ENPP2: variants seen among roughly 807,000 people sequenced by gnomAD.
ENPP2 encodes the protein ectonucleotide pyrophosphatase/phosphodiesterase 2.
In ENPP2, 51 loss-of-function variants were observed where a neutral mutation model predicts 120.2. The ratio of observed to expected loss-of-function variants is 0.42; its 90% CI spans 0.34 to 0.54. The LOEUF (loss-of-function observed/expected upper bound fraction) is 0.54. Among genes scored for constraint, ENPP2 ranks in the 20% least tolerant of loss-of-function variants. The probability of loss-of-function intolerance (pLI) is 0.04; values close to 1 mark genes in which losing one functional copy is unlikely to be tolerated. For missense variants in ENPP2, 920 were observed against 1,066.5 expected (o/e 0.86, Z 1.91); for synonymous variants, 365 against 366.4 (o/e 1.00, Z 0.04).
chr8:119,599,778 G>T (rs1814155099), intron 11 of ENPP2, among the ~76,000 whole-genome samples: 1 of 152,174 alleles, frequency 6.6e-6, no homozygotes, highest in Non-Finnish European at 1.5e-5. Flanking sequence ...GGCCAAGGCT[G>T]GTGGATCACC....
Position 119,601,397 on chromosome 8 carries a change from C to T in ENPP2, c.899G>A (p.Arg300Lys), listed in dbSNP as rs770160906. ...LQWLTLPDHE[R>K]PSVYAFYSEQ... ...AAAGAAGAAAGAGAGAAATAAATAC[C>T]TCTCATGATCTGGCAGGGTGAGCCA... The change falls in exon 10 of 25, where the codon AGG becomes AAG. Residue 300 changes from arginine to lysine, a missense_variant and splice_region_variant. By Grantham distance (26) the Arg-to-Lys change is conservative. Transcript: ENST00000075322. 6.3e-7 allele frequency: 1 copy of T among 1,585,606 alleles called. No individual in the cohort carries two copies. Among genetic ancestry groups the T allele is most frequent in the South Asian group, 1.1e-5 (1 of 90,444 alleles).
chr8:119,572,312 A>T (rs1815067942), intron 19 of ENPP2: 1 of 1,242,580 alleles, frequency 8.0e-7, no homozygotes, highest in African/African-American at 1.5e-5. Context: ...TTAAGTTTTC[A>T]TGGTTACCAC....
chr8:119,646,325 A>T (rs1488848885), intron 1 of ENPP2, among the ~76,000 whole-genome samples: 1 of 152,182 alleles, frequency 6.6e-6, no homozygotes, highest in Non-Finnish European at 1.5e-5. Context: ...CAGTTCTCAA[A>T]GTATGGTCCC....
At chr8:119,592,473 C>CAAAAAAA (rs61330053) in intron 12 of ENPP2, among the ~76,000 whole-genome samples, 16 of 54,906 alleles carry the variant, frequency 2.9e-4, no homozygotes, top group African/African-American at 7.3e-4. Flanking sequence ...AACTCCACCT[C>CAAAAAAA]AAAAAAAAAA....
intron 13 of ENPP2, among the ~76,000 whole-genome samples, 179 bp downstream of exon 13, chr8:119,590,326 C>A (rs909062801): frequency 6.6e-6 from 1 of 152,280 alleles, no homozygotes; most frequent in East Asian, 1.9e-4. Flanking sequence ...CATTTATCAT[C>A]CCCATTTTTC....
chr8:119,656,280 A>G (rs971141059), intron 1 of ENPP2, among the ~76,000 whole-genome samples: 1 of 152,180 alleles, frequency 6.6e-6, no homozygotes, highest in Admixed American at 6.5e-5. Context: ...ATGTGACCTT[A>G]CTATTGACAA....
chr8:119,594,734 T>C (rs989127747), intron 11 of ENPP2, among the ~76,000 whole-genome samples: 4 of 152,300 alleles, frequency 2.6e-5, no homozygotes, highest in Middle Eastern at 3.4e-3. Context: ...AGACAAAGAA[T>C]AGAAAGATAC....
intron 1 of ENPP2, among the ~76,000 whole-genome samples, chr8:119,648,677 T>A (rs1035010885): frequency 6.6e-6 from 1 of 152,214 alleles, no homozygotes; most frequent in African/African-American, 2.4e-5. Context: ...CCCCTTGCAA[T>A]CATACAACAG....
At chr8:119,581,837 G>A (rs1303580418) in intron 18 of ENPP2, among the ~76,000 whole-genome samples, 1 of 147,320 alleles carries the variant, frequency 6.8e-6, no homozygotes, top group Non-Finnish European at 1.5e-5. Context: ...CCGGCTCACT[G>A]CAACCTCTGC....
In ENPP2 at chr8:119,648,193, CA is replaced by C. The variant is rs1455007456; in HGVS notation, c.22-9667del. ...TTAAGCAAGTACCTCAGTGCTAAAACACACAAAATAAACAAATATTCCCCAT... is the reference window on the plus strand; with the variant it reads ...TTAAGCAAGTACCTCAGTGCTAAAACCACAAAATAAACAAATATTCCCCAT... On this transcript the variant is annotated intron_variant, in intron 1 of 25. Transcript: ENST00000427067. Among the ~76,000 whole-genome samples the C allele has an allele frequency of 1.7e-4, 26 of 152,280 alleles. No individual in the cohort carries two copies. The East Asian group carries it at 5.0e-3, about 29-fold the overall frequency.
intron 19 of ENPP2, among the ~76,000 whole-genome samples, chr8:119,576,173 T>A (rs1179926700): frequency 1.3e-5 from 2 of 152,234 alleles, no homozygotes; most frequent in African/African-American, 2.4e-5. Flanking sequence ...AGTTTCACTC[T>A]TGTTGCCCAG....
At chr8:119,642,007 C>T (rs1249730794), upstream of ENPP2, among the ~76,000 whole-genome samples, 1 of 152,104 alleles carries the variant, frequency 6.6e-6, no homozygotes, top group Non-Finnish European at 1.5e-5. Context: ...ATTTAAGGTC[C>T]TCCTGATTTC....
chr8:119,557,443 G>T lies in ENPP2; in HGVS notation c.*78C>A. ...AAATACTAACATTTTTAATGTCCTG[G>T]TTTCAAATTAATAAATACAAAAACA... On this transcript the variant is annotated 3_prime_UTR_variant, in exon 25 of 25. Coordinates refer to ENST00000075322, the MANE Select transcript of ENPP2 (RefSeq NM_001040092.3). The T allele has an allele frequency of 8.3e-7, 1 of 1,201,618 alleles. No individual in the cohort carries two copies. The highest frequency in any genetic ancestry group is 1.2e-6 in the Non-Finnish European group (1 of 848,750). 74.4% of individuals were successfully genotyped at this position (1,201,618 alleles called of 1,614,324 possible).
At chr8:119,645,675 C>T (rs1273733466) in intron 1 of ENPP2, among the ~76,000 whole-genome samples, 4 of 151,854 alleles carry the variant, frequency 2.6e-5, no homozygotes, top group African/African-American at 4.8e-5. Flanking sequence ...ATTAGGCGGG[C>T]GTGGTGGCAC....
chr8:119,672,915 G>GTGCCCTGCGGCTGGTATC (rs1382221991), intron 1 of ENPP2, among the ~76,000 whole-genome samples: 1 of 152,232 alleles, frequency 6.6e-6, no homozygotes, highest in East Asian at 1.9e-4. Flanking sequence ...AGAGCTTGCA[G>GTGCCCTGCGGCTGGTATC]TGCCCTGCGG....
intron 24 of ENPP2, among the ~76,000 whole-genome samples, 182 bp from the exon 25 acceptor site, chr8:119,557,873 A>G (rs1014094923): frequency 6.6e-6 from 1 of 152,128 alleles, no homozygotes; most frequent in African/African-American, 2.4e-5. Flanking sequence ...TGCCACAAAT[A>G]CCTGCCCTTG....
intron 5 of ENPP2, among the ~76,000 whole-genome samples, chr8:119,618,682 A>T (rs1815653579): frequency 6.6e-6 from 1 of 151,358 alleles, no homozygotes; most frequent in Admixed American, 6.6e-5. Context: ...TGGGATTACA[A>T]GCGCTGGCTA....
chr8:119,624,648 C>A (rs1295007303), intron 3 of ENPP2, among the ~76,000 whole-genome samples: 1 of 151,960 alleles, frequency 6.6e-6, no homozygotes, highest in East Asian at 1.9e-4. Flanking sequence ...AATTAGGTTG[C>A]AACAGTTCAA....
chr8:119,564,822 C>T lies in ENPP2; in HGVS notation c.2264+1G>A. On this transcript the variant is annotated splice_donor_variant, in intron 23 of 24. Transcript: ENST00000075322. LOFTEE classifies it high-confidence loss of function. ...ACACTGAGTAGAAATGAAACGCTTA[C>T]TGTTTTATTTTGTCTTCTGTGTCAT... 1 of 1,611,238 alleles carries T rather than the reference C, an allele frequency of 6.2e-7. No individual in the cohort carries two copies. The highest frequency in any genetic ancestry group is 8.5e-7 in the Non-Finnish European group (1 of 1,178,846).
Sources: allele counts gnomAD v4.1 joint callset (sites outside exome capture counted in the v4.1 genomes callset), GRCh38; gene constraint gnomAD v4.1.1; transcripts MANE v1.5; gene names NCBI Gene and HGNC (gene_info 2026-07-23, HGNC 2026-07-21).